TSR1: variants seen among roughly 807,000 people sequenced by gnomAD.
TSR1 encodes pre-rRNA-processing protein TSR1 homolog.
A neutral mutation model predicts 90.9 loss-of-function variants in TSR1; 81 were observed. The ratio of observed to expected loss-of-function variants is 0.89; its 90% CI spans 0.74 to 1.07. The LOEUF is 1.07. Ranked by LOEUF, TSR1 falls within the 50% of genes least tolerant of loss-of-function variation. TSR1 has a pLI of 0.00. For missense variants in TSR1, 989 were observed against 987.3 expected (o/e 1.00, Z -0.02); for synonymous variants, 362 against 348.8 (o/e 1.04, Z -0.42).
At chr17:2,331,277 C>G (rs757125258) in intron 8 of TSR1, among the ~76,000 whole-genome samples, 168 bp from the exon 9 acceptor site, 3 of 152,214 alleles carry the variant, frequency 2.0e-5, no homozygotes, top group Non-Finnish European at 4.4e-5. Context: ...CAGCTTATAA[C>G]AAGTTCTATC....
Position 2,333,625 on chromosome 17 carries a change from T to G in TSR1, c.1073A>C (p.Glu358Ala). 6.2e-7 allele frequency: 1 copy of G among 1,614,136 alleles called. No homozygotes were observed. The highest frequency in any genetic ancestry group is 2.2e-5 in the East Asian group (1 of 44,882). The part of the protein sequence containing the change: ...DPGRQESLQA[E>A]VIPDPMEGEQ... ...TCCCTCCATTGGATCTGGGATAACC[T>G]CTGCTTGCAAGGATTCCTGTCTACC... The change falls in exon 6 of 15, where the codon GAG (glutamate) becomes GCG (alanine). Residue 358 changes from glutamate to alanine, a missense_variant. Glu to Ala is a moderately radical substitution (Grantham distance 107). Coordinates refer to ENST00000301364, the MANE Select transcript of TSR1 (RefSeq NM_018128.5).
chr17:2,334,459 A>C lies in TSR1; in HGVS notation c.981+13T>G. The stretch of plus-strand genomic sequence containing the variant: ...ACTTTCATATGAACATGAATTAAGA[A>C]TATCAGTCTTACCTCCATTGCCATG... On this transcript the variant is annotated intron_variant, in intron 5 of 14. Coordinates refer to ENST00000301364, the MANE Select transcript of TSR1 (RefSeq NM_018128.5). 6.2e-7 allele frequency: 1 copy of C among 1,603,994 alleles called. No individual in the cohort carries two copies. The highest frequency in any genetic ancestry group is 8.5e-7 in the Non-Finnish European group (1 of 1,173,840).
At position 2,328,136 on chromosome 17, in the gene TSR1, G is replaced by C. The variant is rs537678011; in HGVS notation, c.1903+1207C>G. Reference sequence around the variant, plus strand: ...CGGGTGCCTGTAATCTCAGCTACTCGGGAAGCTGAGGCAGGAAAACTGATT... The same window carrying C: ...CGGGTGCCTGTAATCTCAGCTACTCCGGAAGCTGAGGCAGGAAAACTGATT... On this transcript the variant is annotated intron_variant, in intron 11 of 14. Coordinates refer to ENST00000301364, the MANE Select transcript of TSR1 (RefSeq NM_018128.5). Among the ~76,000 whole-genome samples, 125 of 151,166 alleles carry C rather than the reference G, an allele frequency of 8.3e-4. 2 individuals are homozygous for C. Among genetic ancestry groups the C allele is most frequent in the Admixed American group, 7.8e-3 (118 of 15,170 alleles).
At position 2,336,243 on chromosome 17, in the gene TSR1, G is replaced by A; in HGVS notation, c.97+88C>T. ...GAAAGGGCCTTTCGCGTGGAGCCCA[G>A]ACGGGAGACAGAAGCTCAGTCTGGG... On this transcript the variant is annotated intron_variant, in intron 1 of 14. Transcript: ENST00000301364. 3.7e-6 allele frequency: 6 copies of A among 1,603,252 alleles called. No individual in the cohort carries two copies. The South Asian group carries it at 4.4e-5, about 12-fold the overall frequency.
Position 2,323,645 on chromosome 17 carries a change from A to C in TSR1, c.*551T>G, listed in dbSNP as rs751584409. ...CTTTCACTAATTCCTACTCCCTTCC[A>C]TATCAACAGTGTGCAACCCAGCTGG... On this transcript the variant is annotated 3_prime_UTR_variant, in exon 15 of 15. Transcript: ENST00000301364. The C allele has an allele frequency of 8.1e-6, 13 of 1,613,648 alleles. No individual in the cohort carries two copies. Among genetic ancestry groups the C allele is most frequent in the East Asian group, 2.2e-5 (1 of 44,898 alleles).
At chr17:2,329,999 A>C (rs1404267845) in intron 10 of TSR1, among the ~76,000 whole-genome samples, 1 of 151,866 alleles carries the variant, frequency 6.6e-6, no homozygotes, top group African/African-American at 2.4e-5. Flanking sequence ...GGCTCACCAC[A>C]ACCTCCGCCT....
In TSR1 at chr17:2,324,830, C is replaced by A. The variant is rs1567781617; in HGVS notation, c.2021-1G>T. 1 of 1,605,048 alleles carries A rather than the reference C, an allele frequency of 6.2e-7. No homozygotes were observed. Among genetic ancestry groups the A allele is most frequent in the Non-Finnish European group, 8.5e-7 (1 of 1,177,566 alleles). Reference sequence around the variant, plus strand: ...CCTGTAGCAATGAGGCTGTGCATTCCTAAAGGACAAAAGCAAAGAAGCTAT... The same window carrying A: ...CCTGTAGCAATGAGGCTGTGCATTCATAAAGGACAAAAGCAAAGAAGCTAT... On this transcript the variant is annotated splice_acceptor_variant, in intron 12 of 14. Coordinates refer to ENST00000301364, the MANE Select transcript of TSR1 (RefSeq NM_018128.5). LOFTEE classifies it high-confidence loss of function.
rs749943344 is a variant in TSR1, at chr17:2,325,305, A to G, written c.2019T>C (p.Asn673=). ...GTTCATCTCTGTGGCTCAACTTACCATTGCTTTTTTGCTTGAAAAGCAGCA... is the reference window on the plus strand; with the variant it reads ...GTTCATCTCTGTGGCTCAACTTACCGTTGCTTTTTTGCTTGAAAAGCAGCA... The part of the protein sequence containing the change: ...ASVLLFKQKS[N]GMHSLIATGH... Residue 673 remains asparagine, a splice_region_variant and synonymous_variant, in exon 12 of 15, where the codon AAT becomes AAC. Transcript: ENST00000301364. The G allele has an allele frequency of 1.1e-5, 18 of 1,610,400 alleles. No individual in the cohort carries two copies. The highest frequency in any genetic ancestry group is 1.4e-5 in the Non-Finnish European group (16 of 1,178,680).
intron 12 of TSR1, chr17:2,325,050 T>C (rs2075567593): frequency 1.7e-6 from 1 of 605,422 alleles, no homozygotes; most frequent in Non-Finnish European, 2.8e-6. Flanking sequence ...AAACCATACT[T>C]TTTCTCATCA....
At chr17:2,329,224 G>T in intron 11 of TSR1, 119 bp downstream of exon 11, 2 of 1,478,864 alleles carry the variant, frequency 1.4e-6, no homozygotes, top group Non-Finnish European at 9.4e-7. Context: ...CCAGAGTACT[G>T]AAAATACCTC....
At chr17:2,330,886 A>C in intron 9 of TSR1, 61 bp downstream of exon 9, 2 of 1,519,282 alleles carry the variant, frequency 1.3e-6, no homozygotes, top group Non-Finnish European at 1.8e-6. Flanking sequence ...GAGAAGGAAT[A>C]AAGTAGGGAG....
chr17:2,335,664 G>A lies in TSR1; in HGVS notation c.268C>T (p.Leu90=). 2 of 1,614,112 alleles carry A rather than the reference G, an allele frequency of 1.2e-6. No homozygotes were observed. The highest frequency in any genetic ancestry group is 1.7e-6 in the Non-Finnish European group (2 of 1,180,034). Reference sequence around the variant, plus strand: ...TCTGGCAGGGAAATTCTGCTGTGCAGGGGCACCACCAGTACCTGATGAGGA... The same window carrying A: ...TCTGGCAGGGAAATTCTGCTGTGCAAGGGCACCACCAGTACCTGATGAGGA... The part of the protein sequence containing the change: ...GPPHQVLVVP[L]HSRISLPEAM... Residue 90 remains leucine (L), a synonymous_variant, in exon 3 of 15, where the codon CTG becomes TTG. Coordinates refer to ENST00000301364, the MANE Select transcript of TSR1 (RefSeq NM_018128.5).
At chr17:2,335,804 C>A in intron 2 of TSR1, 74 bp from the exon 3 acceptor site, 1 of 1,496,618 alleles carries the variant, frequency 6.7e-7, no homozygotes, top group Non-Finnish European at 9.1e-7. Context: ...TCCACTCCCA[C>A]AGATGCTCCC....
In TSR1 at chr17:2,324,274, A is replaced by G. The variant is rs747070661; in HGVS notation, c.2337T>C (p.Tyr779=). Residue 779 remains tyrosine (Y), a synonymous_variant, in exon 15 of 15, where the codon TAT becomes TAC. Transcript: ENST00000301364. ...LYKRVFPKWT[Y]DPYVPEPVPW... is the part of the protein sequence containing the mutation. Reference sequence around the variant, plus strand: ...GTACTGGTTCTGGTACATATGGATCATAAGTCCATTTGGGGAAGACTCGTT... The same window carrying G: ...GTACTGGTTCTGGTACATATGGATCGTAAGTCCATTTGGGGAAGACTCGTT... The G allele has an allele frequency of 9.7e-6, 15 of 1,554,252 alleles. No individual in the cohort carries two copies. In the African/African-American group the frequency reaches 9.7e-5, roughly 10 times the overall value.
chr17:2,330,623 A>C lies in TSR1; in HGVS notation c.1662T>G (p.Val554=), dbSNP rs1361238199. Residue 554 remains valine (V), a splice_region_variant and synonymous_variant, in exon 10 of 15, where the codon GTT becomes GTG. Transcript: ENST00000301364. ...AGACATGAAGTGTGACATACCAGCCAACCTGCCACAAGAAAGCAGAAAGCA... is the reference window on the plus strand; with the variant it reads ...AGACATGAAGTGTGACATACCAGCCCACCTGCCACAAGAAAGCAGAAAGCA... ...VEEKEVEGAE[V]GWYVTLHVSE... 1 of 1,613,468 alleles carries C rather than the reference A, an allele frequency of 6.2e-7. No individual in the cohort carries two copies. Among genetic ancestry groups the C allele is most frequent in the African/African-American group, 1.3e-5 (1 of 74,834 alleles).
Position 2,332,258 on chromosome 17 carries a change from T to C in TSR1, c.1407A>G (p.Ala469=), listed in dbSNP as rs200486990. 8.7e-5 allele frequency: 140 copies of C among 1,614,080 alleles called. No individual in the cohort carries two copies. Among genetic ancestry groups the C allele is most frequent in the Admixed American group, 3.3e-5 (2 of 59,992 alleles). The stretch of plus-strand genomic sequence containing the variant: ...CTTGTTTATATTTCTCCAACATTTT[T>C]GCCTCAGCTTCTTCATCTACTTTCT... ...YDKKVDEEAE[A]KMLEKYKQER... Residue 469 remains alanine, a synonymous_variant, in exon 8 of 15, where the codon GCA becomes GCG. Transcript: ENST00000301364.
In TSR1 at chr17:2,335,315, G is replaced by A. The variant is rs769722523; in HGVS notation, c.501C>T (p.Asp167=). The change falls in exon 4 of 15, where the codon GAC becomes GAT. Residue 167 remains aspartate, a synonymous_variant. Transcript: ENST00000301364. ...AGGAAAGACAGTAATCACCGGTGCT[G>A]TCCCAGCCTTCTAGTGGATCAAGGA... ...LFLLDPLEGW[D]STGDYCLSCL... The A allele has an allele frequency of 1.2e-6, 2 of 1,614,078 alleles. No individual in the cohort carries two copies. Among genetic ancestry groups the A allele is most frequent in the South Asian group, 1.1e-5 (1 of 91,078 alleles).
In TSR1 at chr17:2,335,242, A is replaced by G. The variant is rs763207788; in HGVS notation, c.556+18T>C. 1.9e-6 allele frequency: 3 copies of G among 1,612,234 alleles called. No homozygotes were observed. Among genetic ancestry groups the G allele is most frequent in the Non-Finnish European group, 2.5e-6 (3 of 1,179,190 alleles). On this transcript the variant is annotated intron_variant, in intron 4 of 14. Coordinates refer to ENST00000301364, the MANE Select transcript of TSR1 (RefSeq NM_018128.5). ...GCCTGACAAATTAAAGGTGCACAAT[A>G]AATGCTAACTCACTTACTATAGGTC... is the stretch of plus-strand genomic sequence containing the variant.
rs545314135 is a variant in TSR1, at chr17:2,325,608, CT to C, written c.1904-189del. On this transcript the variant is annotated intron_variant, in intron 11 of 14. Transcript: ENST00000301364. Reference sequence around the variant, plus strand: ...AGATACGATCTAGTCCTATCAGTAACTTTTTTTTTTTCTTTTTTTTTGAGTT... The same window carrying C: ...AGATACGATCTAGTCCTATCAGTAACTTTTTTTTTTCTTTTTTTTTGAGTT... Among the ~76,000 whole-genome samples, 329 of 148,200 alleles carry C rather than the reference CT, an allele frequency of 2.2e-3. 2 individuals carry two copies. Among genetic ancestry groups the C allele is most frequent in the African/African-American group, 4.3e-3 (176 of 40,500 alleles).
Sources: gnomAD v4.1 joint callset for allele counts (sites outside exome capture counted in the v4.1 genomes callset) on GRCh38, gnomAD v4.1.1 for gene constraint, MANE v1.5 for transcripts, NCBI Gene and HGNC (gene_info 2026-07-23, HGNC 2026-07-21) for gene names.